MIR2052HG: variants seen among roughly 807,000 people sequenced by gnomAD.
MIR2052HG encodes the protein MIR2052 host gene.
chr8:74,660,282 C>T (rs1808847819), intron 2 of MIR2052HG, among the ~76,000 whole-genome samples: 1 of 152,250 alleles, frequency 6.6e-6, no homozygotes, highest in Non-Finnish European at 1.5e-5. Context: ...ATTAACTCAG[C>T]TGCCCTAGCA....
intron 2 of MIR2052HG, among the ~76,000 whole-genome samples, chr8:74,663,464 A>T (rs187141216): frequency 1.3e-5 from 2 of 152,340 alleles, no homozygotes; most frequent in East Asian, 3.9e-4. Flanking sequence ...GCTCTTAGGG[A>T]ATATTGGCTG....
At chr8:74,730,762 T>A (rs1320530792) in intron 4 of MIR2052HG, among the ~76,000 whole-genome samples, 1 of 151,792 alleles carries the variant, frequency 6.6e-6, no homozygotes, top group African/African-American at 2.4e-5. Context: ...TACATGAATA[T>A]ATATATTGAT....
chr8:74,632,919 C>G (rs1353538133), intron 2 of MIR2052HG, among the ~76,000 whole-genome samples: 36 of 152,268 alleles, frequency 2.4e-4, no homozygotes, highest in Non-Finnish European at 2.9e-5. Context: ...TTTTCTGGCT[C>G]TCATCTCACC....
chr8:74,711,611 A>G (rs1308586343), intron 4 of MIR2052HG, among the ~76,000 whole-genome samples: 1 of 152,160 alleles, frequency 6.6e-6, no homozygotes, highest in African/African-American at 2.4e-5. Flanking sequence ...CTAGTTTCCA[A>G]TAACAATACA....
chr8:74,680,172 G>A (rs926297768), intron 2 of MIR2052HG, among the ~76,000 whole-genome samples: 1 of 152,112 alleles, frequency 6.6e-6, no homozygotes, highest in African/African-American at 2.4e-5. Context: ...ATAAAAACAT[G>A]TTATTTATCA....
intron 2 of MIR2052HG, among the ~76,000 whole-genome samples, chr8:74,699,650 G>A (rs1024971101): frequency 2.0e-5 from 3 of 151,960 alleles, no homozygotes; most frequent in Non-Finnish European, 2.9e-5. Context: ...GCTGGGAGGT[G>A]GGGCGAGGGA....
intron 2 of MIR2052HG, among the ~76,000 whole-genome samples, chr8:74,662,012 T>A (rs1281300452): frequency 1.3e-5 from 2 of 152,220 alleles, no homozygotes; most frequent in East Asian, 3.9e-4. Context: ...TAAATGGATA[T>A]AACTCTAAAA....
intron 2 of MIR2052HG, among the ~76,000 whole-genome samples, chr8:74,683,612 G>A (rs944264172): frequency 8.5e-5 from 13 of 152,052 alleles, no homozygotes; most frequent in African/African-American, 2.7e-4. Context: ...AATCTGTAAT[G>A]TTCCTTTTGA....
At chr8:74,630,031 A>C (rs1027454326) in intron 2 of MIR2052HG, among the ~76,000 whole-genome samples, 4 of 152,214 alleles carry the variant, frequency 2.6e-5, no homozygotes, top group Non-Finnish European at 5.9e-5. Context: ...AATTACAGGC[A>C]CAGAAAAGAG....
At chr8:74,610,223 G>A (rs918752325) in intron 1 of MIR2052HG, among the ~76,000 whole-genome samples, 1 of 151,902 alleles carries the variant, frequency 6.6e-6, no homozygotes, top group African/African-American at 2.4e-5. Flanking sequence ...AATTGTGTTT[G>A]TATATTCTTG....
At chr8:74,602,880 C>CTTTCTTTTCTT (rs1808042817) in intron 1 of MIR2052HG, among the ~76,000 whole-genome samples, 1 of 13,530 alleles carries the variant, frequency 7.4e-5, no homozygotes, top group Admixed American at 5.9e-4. Context: ...TTTCTTTTTT[C>CTTTCTTTTCTT]TATTCACAAA....
At chr8:74,746,991 G>C (rs1208893280) in intron 4 of MIR2052HG, among the ~76,000 whole-genome samples, 1 of 152,010 alleles carries the variant, frequency 6.6e-6, no homozygotes, top group Non-Finnish European at 1.5e-5. Flanking sequence ...GTAATCATAG[G>C]AAAAAAGCTA....
At position 74,643,352 on chromosome 8, in the gene MIR2052HG, T is replaced by TA. The variant is rs796310211; in HGVS notation, n.216+30422dup. 1.3e-3 allele frequency among the ~76,000 whole-genome samples: 196 copies of TA among 150,616 alleles called. 1 individual carries two copies. Among genetic ancestry groups the TA allele is most frequent in the African/African-American group, 4.5e-3 (186 of 41,136 alleles). ...TTAGCAATTTGAACCTCAGTAGAAT[T>TA]AAAAAAAAAATTCTTTAAAGACCAG... On this transcript the variant is annotated intron_variant and non_coding_transcript_variant, in intron 2 of 6. Transcript: ENST00000523442.
chr8:74,656,464 G>A (rs971073689), intron 2 of MIR2052HG, among the ~76,000 whole-genome samples: 5 of 152,166 alleles, frequency 3.3e-5, no homozygotes, highest in Non-Finnish European at 7.3e-5. Context: ...TAGTGAATAA[G>A]TCTCACGAGA....
intron 2 of MIR2052HG, among the ~76,000 whole-genome samples, chr8:74,666,574 C>T (rs1808926154): frequency 1.3e-5 from 2 of 152,176 alleles, no homozygotes; most frequent in Non-Finnish European, 2.9e-5. Context: ...GTGCCTAGCA[C>T]ATGATGACCT....
chr8:74,667,535 C>T (rs1220671419), intron 2 of MIR2052HG, among the ~76,000 whole-genome samples: 1 of 151,880 alleles, frequency 6.6e-6, no homozygotes, highest in South Asian at 2.1e-4. Flanking sequence ...TTTACCTATG[C>T]CTATTAAATT....
chr8:74,711,378 A>G (rs1446732634), intron 4 of MIR2052HG, among the ~76,000 whole-genome samples: 1 of 152,214 alleles, frequency 6.6e-6, no homozygotes, highest in Non-Finnish European at 1.5e-5. Context: ...TGCCTTGTGT[A>G]TGTAGGAGGA....
At chr8:74,630,370 G>T (rs1808492320) in intron 2 of MIR2052HG, among the ~76,000 whole-genome samples, 1 of 151,930 alleles carries the variant, frequency 6.6e-6, no homozygotes, top group Non-Finnish European at 1.5e-5. Flanking sequence ...GGCTTGGAAG[G>T]GTGTCCTAAT....
At chr8:74,606,231 C>CGGTTA (rs1808109985) in intron 1 of MIR2052HG, among the ~76,000 whole-genome samples, 1 of 152,084 alleles carries the variant, frequency 6.6e-6, no homozygotes, top group South Asian at 2.1e-4. Flanking sequence ...AGTATCTTAT[C>CGGTTA]GGTTAATTGC....
Sources: gnomAD v4.1 joint callset for allele counts (sites outside exome capture counted in the v4.1 genomes callset) on GRCh38, gnomAD v4.1.1 for gene constraint, MANE v1.5 for transcripts, NCBI Gene and HGNC (gene_info 2026-07-23, HGNC 2026-07-21) for gene names.